Variants in MTUS2 observed in about 807,000 individuals in gnomAD.
MTUS2 encodes microtubule associated scaffold protein 2.
A neutral mutation model predicts 114.1 loss-of-function variants in MTUS2; 40 were observed. That is an observed-to-expected ratio of 0.35 (90% CI 0.27 to 0.46). The LOEUF is 0.46. MTUS2 is among the 20% of genes least tolerant of loss of function. The probability of loss-of-function intolerance (pLI) is 1.00; values close to 1 mark genes in which losing one functional copy is unlikely to be tolerated. For missense variants in MTUS2, 1,679 were observed against 1,705.4 expected (o/e 0.98, Z 0.27); for synonymous variants, 688 against 672.0 (o/e 1.02, Z -0.37).
chr13:29,160,490 G>A (rs1893046706), intron 5 of MTUS2, among the ~76,000 whole-genome samples: 1 of 152,284 alleles, frequency 6.6e-6, no homozygotes, highest in Admixed American at 6.5e-5. Flanking sequence ...TATATCTGGG[G>A]CTGGGCGCGG....
Position 29,100,762 on chromosome 13 carries a change from G to A in MTUS2, c.2447-11G>A, listed in dbSNP as rs1464183753. The A allele has an allele frequency of 7.1e-6, 11 of 1,549,204 alleles. No homozygotes were observed. The highest frequency in any genetic ancestry group is 9.6e-6 in the Non-Finnish European group (11 of 1,146,566). ...AGAATAATTTTTTAATTTTATTTGG[G>A]TTCGTTTTAGCAGATTTAAAGAAAG... On this transcript the variant is annotated splice_polypyrimidine_tract_variant and intron_variant, in intron 4 of 15. Coordinates refer to ENST00000612955, the MANE Select transcript of MTUS2 (RefSeq NM_001033602.4).
At chr13:28,999,446 G>T (rs1409754752) in intron 2 of MTUS2, among the ~76,000 whole-genome samples, 2 of 152,168 alleles carry the variant, frequency 1.3e-5, no homozygotes, top group Non-Finnish European at 1.5e-5. Flanking sequence ...TTGTTTCTTT[G>T]TGGTTTTCAT....
intron 3 of MTUS2, among the ~76,000 whole-genome samples, 155 bp from the exon 4 acceptor site, chr13:29,033,730 G>A (rs1886932179): frequency 1.3e-5 from 2 of 151,962 alleles, no homozygotes; most frequent in African/African-American, 2.4e-5. Context: ...ATCAGGAGAC[G>A]AAGACACTGT....
chr13:29,083,053 A>G (rs1218913750), intron 4 of MTUS2, among the ~76,000 whole-genome samples: 1 of 152,234 alleles, frequency 6.6e-6, no homozygotes, highest in Non-Finnish European at 1.5e-5. Flanking sequence ...TCCTGAACCC[A>G]AAAAAGCCTA....
Position 29,281,842 on chromosome 13 carries a change from C to T in MTUS2, c.2783C>T (p.Pro928Leu), listed in dbSNP as rs1418689375. Residue 928 changes from proline (P) to leucine (L), a missense_variant, in exon 6 of 16, where the codon CCA becomes CTA. Coordinates refer to ENST00000612955, the MANE Select transcript of MTUS2 (RefSeq NM_001033602.4). ...TAPRRSLLPAPKSTSTPAGTK... is the reference protein window; with the variant it reads ...TAPRRSLLPALKSTSTPAGTK... Reference sequence around the variant, plus strand: ...CCCCGCAGGAGTTTACTTCCAGCGCCAAAATCCACTTCCACACCCGCTGGT... The same window carrying T: ...CCCCGCAGGAGTTTACTTCCAGCGCTAAAATCCACTTCCACACCCGCTGGT... 6.2e-7 allele frequency: 1 copy of T among 1,603,758 alleles called. No homozygotes were observed. Among genetic ancestry groups the T allele is most frequent in the East Asian group, 2.2e-5 (1 of 44,586 alleles).
chr13:29,298,406 G>A (rs916280529), intron 6 of MTUS2, among the ~76,000 whole-genome samples: 3 of 152,134 alleles, frequency 2.0e-5, no homozygotes, highest in South Asian at 2.1e-4. Context: ...AAAATAAATT[G>A]TTATTGATTT....
intron 5 of MTUS2, among the ~76,000 whole-genome samples, chr13:29,254,417 A>G (rs1028806709): frequency 6.6e-6 from 1 of 152,246 alleles, no homozygotes; most frequent in Non-Finnish European, 1.5e-5. Context: ...TTCTGCAGGA[A>G]CAGGCAGAGG....
intron 5 of MTUS2, among the ~76,000 whole-genome samples, chr13:29,277,569 C>A (rs1161305322): frequency 6.6e-6 from 1 of 152,110 alleles, no homozygotes; most frequent in African/African-American, 2.4e-5. Context: ...ACAAATAGAC[C>A]AATGAAACGG....
At chr13:29,411,163 A>C (rs1448171937) in intron 8 of MTUS2, among the ~76,000 whole-genome samples, 1 of 151,990 alleles carries the variant, frequency 6.6e-6, no homozygotes, top group Non-Finnish European at 1.5e-5. Flanking sequence ...AGAGAAATTC[A>C]CTCATGGTTT....
At chr13:29,158,358 C>CCCCCCTCTTT in intron 5 of MTUS2, among the ~76,000 whole-genome samples, 3 of 32,048 alleles carry the variant, frequency 9.4e-5, no homozygotes, top group African/African-American at 4.1e-4. Flanking sequence ...GTCCACCCCG[C>CCCCCCTCTTT]TTTTTTTTTT....
intron 6 of MTUS2, among the ~76,000 whole-genome samples, chr13:29,312,202 T>G (rs73437918): frequency 0.024 from 3,590 of 152,324 alleles, 134 homozygotes; most frequent in African/African-American, 0.08. Context: ...ACCTCTGGGC[T>G]GGTGCTTGCT....
chr13:29,243,119 T>A lies in MTUS2; in HGVS notation c.2645-38585T>A, dbSNP rs565708138. 1.1e-4 allele frequency among the ~76,000 whole-genome samples: 17 copies of A among 152,278 alleles called. No homozygotes were observed. In the South Asian group the frequency reaches 3.5e-3, roughly 32 times the overall value. On this transcript the variant is annotated intron_variant, in intron 5 of 15. Transcript: ENST00000612955. ...TCAACGGGTATTTGCATCTACTCAT[T>A]TAAAGCTGGGGCACGAAATCAAAGC...
intron 2 of MTUS2, among the ~76,000 whole-genome samples, chr13:28,853,466 A>C (rs1246911962): frequency 6.6e-6 from 1 of 152,214 alleles, no homozygotes; most frequent in Non-Finnish European, 1.5e-5. Flanking sequence ...TTTTGCTATA[A>C]GGACTGACAC....
intron 2 of MTUS2, among the ~76,000 whole-genome samples, chr13:28,962,432 G>A (rs964631232): frequency 9.9e-5 from 15 of 151,928 alleles, no homozygotes; most frequent in African/African-American, 3.6e-4. Flanking sequence ...TGGTATATTG[G>A]CTGTATTCTC....
At chr13:29,374,675 A>G (rs948516606) in intron 8 of MTUS2, among the ~76,000 whole-genome samples, 1 of 152,198 alleles carries the variant, frequency 6.6e-6, no homozygotes, top group African/African-American at 2.4e-5. Flanking sequence ...AGGTGGGTGG[A>G]TCACCTGAGG....
chr13:29,006,233 G>A (rs958638285), intron 2 of MTUS2, among the ~76,000 whole-genome samples: 1 of 152,078 alleles, frequency 6.6e-6, no homozygotes. Context: ...TTAGTTGTGG[G>A]CACAGAGCAC....
In MTUS2 at chr13:29,267,172, T is replaced by C. The variant is rs139424313; in HGVS notation, c.2645-14532T>C. ...AGGGAAACAAGCATACTGACTTGCA[T>C]TGGTATATACAAAGGGAAGATATGT... On this transcript the variant is annotated intron_variant, in intron 5 of 15. Transcript: ENST00000612955. Among the ~76,000 whole-genome samples the C allele has an allele frequency of 1.6e-3, 245 of 152,278 alleles. 1 individual carries two copies. Among genetic ancestry groups the C allele is most frequent in the African/African-American group, 5.5e-3 (227 of 41,556 alleles).
chr13:29,491,131 T>A lies in MTUS2; in HGVS notation c.3506-1515T>A, dbSNP rs111466740. Reference sequence around the variant, plus strand: ...AGTGTGTGCAGTGTGTGGGTGTGCATGTGTGTGTATATGTGTGGTGTGTTT... The same window carrying A: ...AGTGTGTGCAGTGTGTGGGTGTGCAAGTGTGTGTATATGTGTGGTGTGTTT... On this transcript the variant is annotated intron_variant, in intron 11 of 15. Coordinates refer to ENST00000612955, the MANE Select transcript of MTUS2 (RefSeq NM_001033602.4). Among the ~76,000 whole-genome samples the A allele has an allele frequency of 6.8e-3, 1,019 of 149,226 alleles. 7 individuals are homozygous for A. Among genetic ancestry groups the A allele is most frequent in the African/African-American group, 0.023 (943 of 40,560 alleles).
At chr13:29,163,417 C>A (rs1159934833) in intron 5 of MTUS2, among the ~76,000 whole-genome samples, 1 of 152,096 alleles carries the variant, frequency 6.6e-6, no homozygotes, top group Non-Finnish European at 1.5e-5. Flanking sequence ...CTTTTATTTA[C>A]TTTTTCCACT....
Sources: gnomAD v4.1 joint callset for allele counts (sites outside exome capture counted in the v4.1 genomes callset) on GRCh38, gnomAD v4.1.1 for gene constraint, MANE v1.5 for transcripts, NCBI Gene and HGNC (gene_info 2026-07-23, HGNC 2026-07-21) for gene names.